PALLD: variants seen among roughly 807,000 people sequenced by gnomAD.
The protein encoded by PALLD is palladin.
A neutral mutation model predicts 123.5 loss-of-function variants in PALLD; 61 were observed. That is an observed-to-expected ratio of 0.49 (90% CI 0.40 to 0.61). PALLD has a LOEUF of 0.61. Among genes scored for constraint, PALLD ranks in the 20% least tolerant of loss-of-function variants. The pLI, the probability that PALLD is intolerant of heterozygous loss-of-function variation, is 0.00. For synonymous variants in PALLD, 465 were observed against 496.4 expected (o/e 0.94, Z 0.84); for missense variants, 1,273 against 1,377.0 (o/e 0.92, Z 1.20).
intron 15 of PALLD, among the ~76,000 whole-genome samples, chr4:168,906,034 C>T (rs900243889): frequency 2.0e-5 from 3 of 152,052 alleles, no homozygotes; most frequent in Admixed American, 2.0e-4. Context: ...ATTTCCTTGA[C>T]ATTAACAAAT....
intron 15 of PALLD, 39 bp downstream of exon 15, chr4:168,903,945 A>C (rs1757085903): frequency 1.3e-6 from 2 of 1,571,968 alleles, no homozygotes; most frequent in Non-Finnish European, 1.8e-6. Context: ...TTCTGTGTCT[A>C]GTGCTTACAG....
Position 168,803,147 on chromosome 4 carries a change from A to G in PALLD, c.1965-87775A>G, listed in dbSNP as rs534175422. Reference sequence around the variant, plus strand: ...CCTGAGACTGGGTAATTTATGAAGAAGAGAGGTTTAATTGACTCACAGTTC... The same window carrying G: ...CCTGAGACTGGGTAATTTATGAAGAGGAGAGGTTTAATTGACTCACAGTTC... On this transcript the variant is annotated intron_variant, in intron 10 of 21. Coordinates refer to ENST00000505667, the MANE Select transcript of PALLD (RefSeq NM_001166108.2). Among the ~76,000 whole-genome samples the G allele has an allele frequency of 2.0e-4, 31 of 152,320 alleles. No homozygotes were observed. In the South Asian group the frequency reaches 6.2e-3, roughly 31 times the overall value.
At chr4:168,839,446 G>A (rs767868736) in intron 10 of PALLD, among the ~76,000 whole-genome samples, 6 of 152,040 alleles carry the variant, frequency 3.9e-5, no homozygotes, top group African/African-American at 1.2e-4. Context: ...AGCTACTTGC[G>A]GTTAGAATAA....
chr4:168,632,178 C>A (rs1254503968), intron 2 of PALLD, among the ~76,000 whole-genome samples: 2 of 151,664 alleles, frequency 1.3e-5, no homozygotes, highest in African/African-American at 2.4e-5. Flanking sequence ...CTCTCCTACC[C>A]ACCTCACCCT....
chr4:168,859,351 C>G (rs944637411), intron 10 of PALLD, among the ~76,000 whole-genome samples: 1 of 152,138 alleles, frequency 6.6e-6, no homozygotes, highest in Non-Finnish European at 1.5e-5. Flanking sequence ...TCTATGGAAG[C>G]GGAGTCTTCT....
intron 10 of PALLD, among the ~76,000 whole-genome samples, chr4:168,771,540 T>A (rs936494264): frequency 2.6e-5 from 4 of 152,142 alleles, no homozygotes; most frequent in African/African-American, 9.7e-5. Flanking sequence ...CACAAAAATG[T>A]CACCTCATTC....
intron 2 of PALLD, among the ~76,000 whole-genome samples, chr4:168,557,861 T>C (rs1261340336): frequency 1.3e-5 from 2 of 152,006 alleles, no homozygotes; most frequent in Non-Finnish European, 2.9e-5. Flanking sequence ...GCTGTTAATC[T>C]CTCCCTGCTC....
chr4:168,629,032 TTGAGA>T (rs2149820567), intron 2 of PALLD, among the ~76,000 whole-genome samples: 1 of 152,162 alleles, frequency 6.6e-6, no homozygotes, highest in African/African-American at 2.4e-5. Flanking sequence ...TTTTTTTTTT[TTGAGA>T]TGGAGTTTCA....
chr4:168,600,004 T>TGTGTACACACAC (rs1561290735), intron 2 of PALLD, among the ~76,000 whole-genome samples: 5 of 111,684 alleles, frequency 4.5e-5, no homozygotes, highest in South Asian at 2.8e-4. Flanking sequence ...TACACACACG[T>TGTGTACACACAC]ATATACATAC....
Position 168,918,623 on chromosome 4 carries a change from AC to A in PALLD, c.2850+2597del, listed in dbSNP as rs541922472. 4.6e-5 allele frequency among the ~76,000 whole-genome samples: 7 copies of A among 152,300 alleles called. No individual in the cohort carries two copies. The East Asian group carries it at 1.4e-3, about 29-fold the overall frequency. On this transcript the variant is annotated intron_variant, in intron 17 of 21. Transcript: ENST00000505667. ...AAGAGATCTGTTGTACAACATGGTG[AC>A]TATAGTTAATAACGATGTACTATAT... is the stretch of plus-strand genomic sequence containing the variant.
At chr4:168,921,032 G>C (rs555606541) in intron 17 of PALLD, among the ~76,000 whole-genome samples, 1 of 152,260 alleles carries the variant, frequency 6.6e-6, no homozygotes, top group African/African-American at 2.4e-5. Flanking sequence ...GAATTGTTTA[G>C]ATGTAAGCTG....
In PALLD at chr4:168,927,939, A is replaced by G. The variant is rs1762761621; in HGVS notation, c.*1759A>G. ...TCATTATTTATAAGTGGCCTCTCTT[A>G]GCTCAGTTACTCAATTCATACGTAG... is the stretch of plus-strand genomic sequence containing the variant. On this transcript the variant is annotated 3_prime_UTR_variant, in exon 22 of 22. Transcript: ENST00000505667. 1 of 199,806 alleles carries G rather than the reference A, an allele frequency of 5.0e-6. No individual in the cohort carries two copies. The highest frequency in any genetic ancestry group is 1.0e-5 in the Non-Finnish European group (1 of 96,660). The allele number at this position is 199,806 out of a possible 1,614,324, so 12.4% of individuals were successfully genotyped here. A position where few individuals can be genotyped will look rare whatever the true frequency, so the allele number is the denominator to read the frequency against.
chr4:168,766,155 G>A (rs187013864), intron 10 of PALLD, among the ~76,000 whole-genome samples: 18 of 152,266 alleles, frequency 1.2e-4, no homozygotes, highest in Admixed American at 7.2e-4. Flanking sequence ...TAATATCAAC[G>A]CAATAATACC....
At chr4:168,773,590 T>G (rs544954516) in intron 10 of PALLD, among the ~76,000 whole-genome samples, 32 of 152,180 alleles carry the variant, frequency 2.1e-4, no homozygotes, top group Non-Finnish European at 4.0e-4. Context: ...GACAAGTTAC[T>G]GGTCTAAGTG....
intron 10 of PALLD, among the ~76,000 whole-genome samples, chr4:168,719,610 T>C (rs1581138928): frequency 6.6e-6 from 1 of 152,304 alleles, no homozygotes; most frequent in East Asian, 1.9e-4. Context: ...GGTTCGGGGA[T>C]ACATGTGTAC....
intron 2 of PALLD, among the ~76,000 whole-genome samples, chr4:168,526,961 C>T (rs184082853): frequency 1.3e-3 from 197 of 152,296 alleles, no homozygotes; most frequent in African/African-American, 4.4e-3. Flanking sequence ...TAGTTCACTG[C>T]TAGAGACCAT....
intron 2 of PALLD, among the ~76,000 whole-genome samples, chr4:168,640,314 G>A (rs1387208395): frequency 6.6e-6 from 1 of 152,046 alleles, no homozygotes; most frequent in Non-Finnish European, 1.5e-5. Context: ...AACTCATTTG[G>A]GACTCTAATC....
intron 10 of PALLD, among the ~76,000 whole-genome samples, chr4:168,794,472 GCACACGCACACACACATGCACGCACACA>G (rs1561531381): frequency 6.8e-6 from 1 of 146,180 alleles, no homozygotes; most frequent in East Asian, 2.8e-4. Flanking sequence ...AGACGTACGT[GCACACGCACACACACATGCACGCACACA>G]CACACGCACA....
intron 10 of PALLD, among the ~76,000 whole-genome samples, chr4:168,806,764 A>G (rs889348210): frequency 2.0e-5 from 3 of 152,218 alleles, no homozygotes; most frequent in African/African-American, 7.2e-5. Flanking sequence ...CTTTTTATCA[A>G]GCAGTAGTTA....
Sources: gnomAD v4.1 joint callset for allele counts (sites outside exome capture counted in the v4.1 genomes callset) on GRCh38, gnomAD v4.1.1 for gene constraint, MANE v1.5 for transcripts, NCBI Gene and HGNC (gene_info 2026-07-23, HGNC 2026-07-21) for gene names.